The following TIMMDC1 variants were observed in gnomAD, a reference collection of about 807,000 sequenced individuals.
TIMMDC1 encodes the protein complex I assembly factor TIMMDC1, mitochondrial.
Under a neutral mutation model 32.6 loss-of-function variants are expected in TIMMDC1, and 25 were observed. The ratio of observed to expected loss-of-function variants is 0.77; its 90% confidence interval spans 0.56 to 1.07. The LOEUF (loss-of-function observed/expected upper bound fraction) is 1.07. TIMMDC1 is among the 50% of genes least tolerant of loss of function. TIMMDC1 has a pLI of 0.00. For synonymous variants in TIMMDC1, 130 were observed against 127.6 expected (o/e 1.02, Z -0.13); for missense variants, 329 against 349.2 (o/e 0.94, Z 0.46).
At chr3:119,504,371 A>G (rs989020071) in intron 4 of TIMMDC1, among the ~76,000 whole-genome samples, 6 of 152,236 alleles carry the variant, frequency 3.9e-5, no homozygotes, top group Admixed American at 3.9e-4. Context: ...ACCAAAGAAT[A>G]GGAAGGAGCA....
chr3:119,501,699 AAATT>A (rs2081877122), intron 2 of TIMMDC1, among the ~76,000 whole-genome samples: 1 of 152,210 alleles, frequency 6.6e-6, no homozygotes, highest in African/African-American at 2.4e-5. Flanking sequence ...TCTTATTAAA[AAATT>A]AATTAATTAA....
chr3:119,505,221 A>C (rs551779613), intron 4 of TIMMDC1, among the ~76,000 whole-genome samples: 1 of 152,204 alleles, frequency 6.6e-6, no homozygotes, highest in Non-Finnish European at 1.5e-5. Context: ...TATGTGTACA[A>C]TTTTTACTTG....
At chr3:119,505,539 G>T (rs576675543) in intron 4 of TIMMDC1, among the ~76,000 whole-genome samples, 40 of 152,100 alleles carry the variant, frequency 2.6e-4, no homozygotes, top group African/African-American at 9.2e-4. Flanking sequence ...CTAATTTTTT[G>T]TATTTTTAGC....
At chr3:119,522,642 T>C (rs562614993) in intron 6 of TIMMDC1, among the ~76,000 whole-genome samples, 2 of 152,308 alleles carry the variant, frequency 1.3e-5, no homozygotes, top group South Asian at 4.1e-4. Context: ...TCATTACACA[T>C]TGTATATGTA....
chr3:119,499,090 TTC>T (rs1577093845), intron 1 of TIMMDC1, 163 bp downstream of exon 1: 6 of 571,484 alleles, frequency 1.0e-5, no homozygotes, highest in East Asian at 6.4e-5. Flanking sequence ...TCTTTTTTCT[TTC>T]TTTTTTTTTT....
At chr3:119,508,772 A>G (rs1403280390) in intron 4 of TIMMDC1, among the ~76,000 whole-genome samples, 1 of 152,238 alleles carries the variant, frequency 6.6e-6, no homozygotes, top group African/African-American at 2.4e-5. Context: ...TTATATGTGT[A>G]ATAAACCTTT....
At chr3:119,519,160 A>G (rs1286151842) in intron 6 of TIMMDC1, among the ~76,000 whole-genome samples, 1 of 152,082 alleles carries the variant, frequency 6.6e-6, no homozygotes, top group Non-Finnish European at 1.5e-5. Context: ...AAATCTACCA[A>G]CCATGAAAAT....
chr3:119,501,179 A>G (rs908790809), intron 2 of TIMMDC1, among the ~76,000 whole-genome samples: 7 of 152,356 alleles, frequency 4.6e-5, no homozygotes, highest in Middle Eastern at 6.8e-3. Flanking sequence ...CAAAGCCTCC[A>G]TGAGTATAGG....
At chr3:119,501,713 A>C (rs1186671848) in intron 2 of TIMMDC1, among the ~76,000 whole-genome samples, 2 of 152,078 alleles carry the variant, frequency 1.3e-5, no homozygotes, top group Admixed American at 6.5e-5. Flanking sequence ...TAATTAATTA[A>C]ATTTTTTTTT....
intron 5 of TIMMDC1, among the ~76,000 whole-genome samples, 179 bp from the exon 6 acceptor site, chr3:119,517,026 A>G (rs1229452084): frequency 6.6e-6 from 1 of 152,236 alleles, no homozygotes; most frequent in Admixed American, 6.5e-5. Context: ...GTTCAGACCA[A>G]GGAAGAGATT....
Position 119,500,861 on chromosome 3 carries a change from G to T in TIMMDC1, c.360+1G>T. ...TTATCATAACCGGTTTGATGCTGTG[G>T]TATGTACTGGTGATCTAAAGAAATT... On this transcript the variant is annotated splice_donor_variant, in intron 2 of 6. Coordinates refer to ENST00000494664, the MANE Select transcript of TIMMDC1 (RefSeq NM_016589.4). LOFTEE classifies it high-confidence loss of function. 4 of 1,611,406 alleles carry T rather than the reference G, an allele frequency of 2.5e-6. No individual in the cohort carries two copies. Among genetic ancestry groups the T allele is most frequent in the African/African-American group, 1.3e-5 (1 of 74,886 alleles).
At chr3:119,514,598 C>T (rs2081973679) in intron 5 of TIMMDC1, among the ~76,000 whole-genome samples, 1 of 152,218 alleles carries the variant, frequency 6.6e-6, no homozygotes, top group South Asian at 2.1e-4. Context: ...AGGAATACAA[C>T]ATAGGTGAAG....
intron 5 of TIMMDC1, 147 bp downstream of exon 5, chr3:119,513,866 T>C (rs1370500917): frequency 1.8e-6 from 1 of 545,860 alleles, no homozygotes; most frequent in Non-Finnish European, 3.3e-6. Flanking sequence ...TAGCTTTGAC[T>C]GTCCATTCTA....
intron 6 of TIMMDC1, among the ~76,000 whole-genome samples, chr3:119,523,323 T>G (rs1214499899): frequency 2.0e-5 from 3 of 152,114 alleles, no homozygotes. Flanking sequence ...TTCCCACACA[T>G]CACTCCTGTG....
chr3:119,500,503 A>G, intron 1 of TIMMDC1, 192 bp from the exon 2 acceptor site: 1 of 516,524 alleles, frequency 1.9e-6, no homozygotes, highest in Non-Finnish European at 3.4e-6. Flanking sequence ...TCCTAATTCT[A>G]ACACCATAGC....
At chr3:119,506,980 A>T (rs993538261) in intron 4 of TIMMDC1, among the ~76,000 whole-genome samples, 1 of 152,236 alleles carries the variant, frequency 6.6e-6, no homozygotes, top group African/African-American at 2.4e-5. Context: ...TTCCCTAGAG[A>T]GTTCTCCCTA....
intron 4 of TIMMDC1, among the ~76,000 whole-genome samples, chr3:119,506,020 A>G (rs1007903427): frequency 1.3e-5 from 2 of 152,250 alleles, no homozygotes; most frequent in African/African-American, 4.8e-5. Flanking sequence ...TCACCCAAGT[A>G]TTAAGCCTAG....
At chr3:119,514,711 C>A (rs9869760) in intron 5 of TIMMDC1, among the ~76,000 whole-genome samples, 80,842 of 152,028 alleles carry the variant, frequency 0.53, 21,795 homozygotes, top group Non-Finnish European at 0.59. Context: ...CAACAAATTA[C>A]CACAAACTGA....
intron 1 of TIMMDC1, 162 bp from the exon 2 acceptor site, chr3:119,500,533 C>T (rs1187473915): frequency 1.5e-5 from 9 of 602,016 alleles, no homozygotes; most frequent in East Asian, 6.1e-5. Context: ...TCTGAGACTA[C>T]GTTCCTTTTA....
Sources: gnomAD v4.1 joint callset for allele counts (sites outside exome capture counted in the v4.1 genomes callset) on GRCh38, gnomAD v4.1.1 for gene constraint, MANE v1.5 for transcripts, NCBI Gene and HGNC (gene_info 2026-07-23, HGNC 2026-07-21) for gene names.